Variants in KLF12 observed in about 807,000 individuals in gnomAD.
KLF12 encodes KLF transcription factor 12.
In KLF12, 9 loss-of-function variants were observed where a neutral mutation model predicts 37.8. The ratio of observed to expected loss-of-function variants is 0.24; its 90% CI spans 0.14 to 0.42. The LOEUF (loss-of-function observed/expected upper bound fraction) is 0.42. KLF12 is among the 10% of genes least tolerant of loss of function. The pLI is 1.00. For missense variants in KLF12, 411 were observed against 516.0 expected (o/e 0.80, Z 1.97); for synonymous variants, 208 against 202.1 (o/e 1.03, Z -0.25).
chr13:74,207,614 G>T, the KLF12 span, among the ~76,000 whole-genome samples: 1 of 152,178 alleles, frequency 6.6e-6, no homozygotes, highest in Non-Finnish European at 1.5e-5. Context: ...GGTGGAGGTT[G>T]CAGTGAGCCA....
intron 7 of KLF12, among the ~76,000 whole-genome samples, chr13:73,704,889 C>T (rs1341643738): frequency 5.9e-5 from 9 of 152,120 alleles, no homozygotes; most frequent in Admixed American, 1.3e-4. Context: ...AGTGAAACTA[C>T]TTTAATTTAA....
chr13:73,889,576 G>T (rs1248615529), intron 3 of KLF12, among the ~76,000 whole-genome samples: 1 of 152,014 alleles, frequency 6.6e-6, no homozygotes, highest in East Asian at 1.9e-4. Context: ...TTTAATACCT[G>T]ACTGCTAAGA....
chr13:74,190,499 C>G, the KLF12 span, among the ~76,000 whole-genome samples: 1 of 152,224 alleles, frequency 6.6e-6, no homozygotes, highest in African/African-American at 2.4e-5. Flanking sequence ...AAGAATGGGA[C>G]TGGTTTCTGA....
intron 1 of KLF12, among the ~76,000 whole-genome samples, chr13:74,040,784 C>G (rs1893380953): frequency 6.6e-6 from 1 of 150,732 alleles, no homozygotes; most frequent in South Asian, 2.1e-4. Context: ...ATGTTCATAA[C>G]AACTCTCACA....
intron 3 of KLF12, among the ~76,000 whole-genome samples, chr13:73,851,282 T>G (rs980564498): frequency 6.6e-6 from 1 of 152,210 alleles, no homozygotes; most frequent in East Asian, 1.9e-4. Flanking sequence ...TGACACAGAA[T>G]CTCATAAATA....
At chr13:74,254,614 C>A in the KLF12 span, among the ~76,000 whole-genome samples, 1 of 152,164 alleles carries the variant, frequency 6.6e-6, no homozygotes, top group African/African-American at 2.4e-5. Flanking sequence ...CCATTGCCTG[C>A]TGAATCTAGA....
intron 5 of KLF12, among the ~76,000 whole-genome samples, chr13:73,784,611 C>G (rs1259331737): frequency 6.6e-6 from 1 of 151,238 alleles, no homozygotes; most frequent in Non-Finnish European, 1.5e-5. Flanking sequence ...TCCAGCATCT[C>G]TGACATACTT....
At chr13:74,180,607 A>G in the KLF12 span, among the ~76,000 whole-genome samples, 2 of 152,234 alleles carry the variant, frequency 1.3e-5, no homozygotes, top group Admixed American at 6.5e-5. Flanking sequence ...ACAGCAATTC[A>G]GAAATCTTGA....
chr13:73,943,214 G>A (rs1209873288), intron 3 of KLF12, among the ~76,000 whole-genome samples: 1 of 152,118 alleles, frequency 6.6e-6, no homozygotes, highest in Non-Finnish European at 1.5e-5. Context: ...AGTCACCTGT[G>A]CTGCCTCAGT....
chr13:74,115,642 T>G lies in KLF12; in HGVS notation c.-32+18097A>C, dbSNP rs937846737. ...ATCACTTGAACCTGGGGGACAGAGG[T>G]TGCAGTGAGTCAAGATCATGCCACT... On this transcript the variant is annotated intron_variant, in intron 1 of 7. Coordinates refer to ENST00000377669, the MANE Select transcript of KLF12 (RefSeq NM_007249.5). Among the ~76,000 whole-genome samples, 3 of 150,842 alleles carry G rather than the reference T, an allele frequency of 2.0e-5. No homozygotes were observed. The East Asian group carries it at 5.9e-4, about 29-fold the overall frequency.
chr13:73,757,681 C>T (rs1879264965), intron 6 of KLF12, among the ~76,000 whole-genome samples: 1 of 152,140 alleles, frequency 6.6e-6, no homozygotes, highest in Non-Finnish European at 1.5e-5. Context: ...GATTTATTAT[C>T]CTGAGCAGTA....
the KLF12 span, among the ~76,000 whole-genome samples, chr13:74,203,521 C>G: frequency 6.6e-6 from 1 of 152,060 alleles, no homozygotes; most frequent in Admixed American, 6.6e-5. Flanking sequence ...GACAATCTGG[C>G]TACTAGGATA....
chr13:73,951,232 T>C (rs2139409176), intron 2 of KLF12, among the ~76,000 whole-genome samples: 1 of 152,360 alleles, frequency 6.6e-6, no homozygotes, highest in South Asian at 2.1e-4. Context: ...ATTGATTCAT[T>C]CCCAATATAC....
At chr13:74,114,524 GTGGGTCAC>G (rs1483355766) in intron 1 of KLF12, among the ~76,000 whole-genome samples, 1 of 152,142 alleles carries the variant, frequency 6.6e-6, no homozygotes, top group Non-Finnish European at 1.5e-5. Context: ...GGTCTTATAT[GTGGGTCAC>G]TGACATCATA....
At chr13:74,120,052 C>CT (rs1490344994) in intron 1 of KLF12, among the ~76,000 whole-genome samples, 4 of 152,040 alleles carry the variant, frequency 2.6e-5, no homozygotes, top group Admixed American at 6.6e-5. Flanking sequence ...GGAGCAATAT[C>CT]TTTAACGTAA....
At chr13:73,786,648 C>T (rs569033183) in intron 5 of KLF12, among the ~76,000 whole-genome samples, 200 of 151,138 alleles carry the variant, frequency 1.3e-3, no homozygotes, top group African/African-American at 4.6e-3. Flanking sequence ...TTTGGGAGGC[C>T]GAGGTGGGAG....
intron 2 of KLF12, chr13:73,961,979 C>A (rs948308977): frequency 8.8e-6 from 4 of 455,232 alleles, no homozygotes; most frequent in African/African-American, 8.0e-5. Flanking sequence ...ATCACACTGT[C>A]ACTGTCTTTG....
the KLF12 span, among the ~76,000 whole-genome samples, chr13:74,207,196 C>T: frequency 6.6e-6 from 1 of 152,292 alleles, no homozygotes; most frequent in South Asian, 2.1e-4. Flanking sequence ...AGCATTAGTC[C>T]ATTCATGAGG....
At chr13:74,004,260 G>T (rs1227246642) in intron 1 of KLF12, among the ~76,000 whole-genome samples, 1 of 152,072 alleles carries the variant, frequency 6.6e-6, no homozygotes, top group Non-Finnish European at 1.5e-5. Context: ...AAGTAGTAGT[G>T]GTGACAGCAG....
Sources: allele counts gnomAD v4.1 joint callset (sites outside exome capture counted in the v4.1 genomes callset), GRCh38; gene constraint gnomAD v4.1.1; transcripts MANE v1.5; gene names NCBI Gene and HGNC (gene_info 2026-07-23, HGNC 2026-07-21).